The following NIPAL3 variants were observed in gnomAD, a reference collection of about 807,000 sequenced individuals.
NIPAL3 encodes the protein NIPA like domain containing 3.
In NIPAL3, 41 loss-of-function variants were observed where a neutral mutation model predicts 47.2. The ratio of observed to expected loss-of-function variants is 0.87; its 90% confidence interval spans 0.68 to 1.13. NIPAL3 has a LOEUF of 1.13. Ranked by LOEUF, NIPAL3 falls within the 50% of genes most tolerant of loss-of-function variation. The probability of loss-of-function intolerance (pLI) is 0.00; values close to 1 mark genes in which losing one functional copy is unlikely to be tolerated. For missense variants in NIPAL3, 449 were observed against 530.1 expected, an observed-to-expected ratio of 0.85 and a Z score of 1.50; for synonymous variants, 194 against 209.6, an observed-to-expected ratio of 0.93 and a Z score of 0.64.
intron 6 of NIPAL3, among the ~76,000 whole-genome samples, chr1:24,452,700 C>A (rs144088690): frequency 1.0e-3 from 156 of 152,056 alleles, no homozygotes; most frequent in African/African-American, 3.7e-3. Context: ...GGAGTATATA[C>A]TCATATTCTT....
chr1:24,428,302 G>GAGAGAGAGAC (rs1242337378), intron 2 of NIPAL3, among the ~76,000 whole-genome samples: 1 of 141,504 alleles, frequency 7.1e-6, no homozygotes, highest in East Asian at 2.2e-4. Context: ...GAGAGAGAGA[G>GAGAGAGAGAC]ACACCAGAAC....
rs185544511 is a variant in NIPAL3, at chr1:24,419,535, C to A, written c.-13C>A. The A allele has an allele frequency of 1.2e-6, 2 of 1,608,770 alleles. No homozygotes were observed. Among genetic ancestry groups the A allele is most frequent in the Admixed American group, 1.7e-5 (1 of 59,440 alleles). On this transcript the variant is annotated 5_prime_UTR_variant, in exon 2 of 12. Coordinates refer to ENST00000374399, the MANE Select transcript of NIPAL3 (RefSeq NM_020448.5). ...CCTAGGCCAGGCCCTGTGGGATGCG[C>A]CACTAGACCACCATGGACGGATCCC...
At chr1:24,463,930 C>T in intron 10 of NIPAL3, 96 bp from the exon 11 acceptor site, 1 of 1,061,152 alleles carries the variant, frequency 9.4e-7, no homozygotes. Context: ...AGCCTGCAAG[C>T]CTTTTTACCT....
intron 2 of NIPAL3, among the ~76,000 whole-genome samples, chr1:24,427,802 C>T (rs976568389): frequency 2.0e-5 from 3 of 152,138 alleles, no homozygotes; most frequent in Middle Eastern, 3.2e-3. Context: ...TAGTAACTAT[C>T]GGGGATCAGA....
intron 5 of NIPAL3, among the ~76,000 whole-genome samples, chr1:24,447,474 GT>G (rs1243646888): frequency 6.6e-6 from 1 of 151,996 alleles, no homozygotes; most frequent in Non-Finnish European, 1.5e-5. Context: ...ATACAGCCAA[GT>G]TTGGGGACCA....
rs1240078430 is a variant in NIPAL3, at chr1:24,453,440, C to A, written c.573C>A (p.Leu191=). 2 of 1,613,626 alleles carry A rather than the reference C, an allele frequency of 1.2e-6. No homozygotes were observed. The highest frequency in any genetic ancestry group is 2.2e-5 in the East Asian group (1 of 44,850). The change falls in exon 7 of 12, where the codon CTC becomes CTA. Residue 191 remains leucine, a synonymous_variant. Coordinates refer to ENST00000374399, the MANE Select transcript of NIPAL3 (RefSeq NM_020448.5). ...LVEIILFCLL[L]YFYKEKNANN... ...AGATCATTCTGTTCTGCTTGCTGCT[C>A]TACTTCTACAAGGAGAAGAACGCCA...
intron 2 of NIPAL3, among the ~76,000 whole-genome samples, chr1:24,433,823 T>C (rs1644983265): frequency 6.6e-6 from 1 of 151,852 alleles, no homozygotes; most frequent in Non-Finnish European, 1.5e-5. Context: ...GGGAGAGAGA[T>C]GGGAACTATA....
intron 11 of NIPAL3, chr1:24,464,790 TAACTC>T (rs1340967885): frequency 3.9e-5 from 6 of 152,210 alleles, no homozygotes; most frequent in African/African-American, 1.2e-4. Flanking sequence ...CTTTCACACT[TAACTC>T]AACATTTTAA....
In NIPAL3 at chr1:24,419,378, A is replaced by G; in HGVS notation, c.-170A>G. Reference sequence around the variant, plus strand: ...CACTTCTCTGAGTGAAGCTGAGGAGAAGGCTGTAAATCTGCCAAAACAGCC... The same window carrying G: ...CACTTCTCTGAGTGAAGCTGAGGAGGAGGCTGTAAATCTGCCAAAACAGCC... On this transcript the variant is annotated 5_prime_UTR_variant, in exon 2 of 12. Coordinates refer to ENST00000374399, the MANE Select transcript of NIPAL3 (RefSeq NM_020448.5). The G allele has an allele frequency of 1.5e-6, 2 of 1,322,148 alleles. No homozygotes were observed. The highest frequency in any genetic ancestry group is 1.9e-6 in the Non-Finnish European group (2 of 1,038,292). The allele number at this position is 1,322,148 out of a possible 1,614,324, so 81.9% of individuals were successfully genotyped here.
chr1:24,437,622 G>C (rs1645183907), intron 2 of NIPAL3, among the ~76,000 whole-genome samples: 1 of 150,704 alleles, frequency 6.6e-6, no homozygotes, highest in Non-Finnish European at 1.5e-5. Flanking sequence ...TGGCCCCAGG[G>C]TCCTGAGGAG....
intron 7 of NIPAL3, chr1:24,453,965 G>A (rs1646066609): frequency 2.3e-6 from 1 of 440,790 alleles, no homozygotes; most frequent in Non-Finnish European, 4.5e-6. Context: ...CCTTTTAGAG[G>A]GATGGGTGCT....
intron 2 of NIPAL3, among the ~76,000 whole-genome samples, chr1:24,423,715 T>C (rs1283886512): frequency 2.6e-5 from 4 of 152,110 alleles, no homozygotes; most frequent in African/African-American, 9.7e-5. Flanking sequence ...AGAGGGCATG[T>C]GGGGAAAGCT....
intron 2 of NIPAL3, among the ~76,000 whole-genome samples, chr1:24,422,681 C>G (rs1261040790): frequency 6.6e-6 from 1 of 152,178 alleles, no homozygotes; most frequent in Non-Finnish European, 1.5e-5. Flanking sequence ...CCTTCCCACA[C>G]CAACTCCATC....
At chr1:24,418,496 G>A (rs966843382) in intron 1 of NIPAL3, among the ~76,000 whole-genome samples, 2 of 152,074 alleles carry the variant, frequency 1.3e-5, no homozygotes, top group East Asian at 1.9e-4. Context: ...TGTGGCACGC[G>A]TCTGAGGTCC....
chr1:24,460,630 C>A, intron 10 of NIPAL3, 86 bp downstream of exon 10: 2 of 1,106,904 alleles, frequency 1.8e-6, no homozygotes, highest in Non-Finnish European at 2.5e-6. Context: ...ATTGCTACAG[C>A]CGCCCCATCC....
chr1:24,452,853 A>ATTTTTTTTTTTTT (rs3054551), intron 6 of NIPAL3, among the ~76,000 whole-genome samples: 18 of 124,214 alleles, frequency 1.4e-4, no homozygotes, highest in African/African-American at 2.5e-4. Context: ...CGCCCAGCTA[A>ATTTTTTTTTTTTT]TTTTTTTTTT....
intron 4 of NIPAL3, among the ~76,000 whole-genome samples, chr1:24,442,837 G>A (rs1645459668): frequency 6.6e-6 from 1 of 152,192 alleles, no homozygotes; most frequent in South Asian, 2.1e-4. Context: ...GGGCATGGTG[G>A]TATGCATCTG....
chr1:24,467,635 A>G (rs1003842308), intron 11 of NIPAL3, among the ~76,000 whole-genome samples: 1 of 152,210 alleles, frequency 6.6e-6, no homozygotes, highest in African/African-American at 2.4e-5. Context: ...ATCAAATGAG[A>G]TAGAACTTTA....
rs964191386 is a variant in NIPAL3 at position 24,449,301 on chromosome 1, G to GT, written c.395-173dup. 2.6e-5 allele frequency among the ~76,000 whole-genome samples: 4 copies of GT among 151,960 alleles called. No individual in the cohort carries two copies. The highest frequency in any genetic ancestry group is 9.7e-5 in the African/African-American group (4 of 41,436). On this transcript the variant is annotated intron_variant, in intron 5 of 11. Coordinates refer to ENST00000374399, the MANE Select transcript of NIPAL3 (RefSeq NM_020448.5). The surrounding 1 kb of genome is among the most constrained non-coding windows in gnomAD (Gnocchi z 4.5). ...AGTTTTTTATTTTTTTACATTAATT[G>GT]TTTTTTTAACAAAATTAAGGAAAAT...
Sources: gnomAD v4.1 joint callset for allele counts (sites outside exome capture counted in the v4.1 genomes callset) on GRCh38, gnomAD v4.1.1 for gene constraint, Gnocchi (gnomAD v3.1) non-coding constraint, MANE v1.5 for transcripts, NCBI Gene and HGNC (gene_info 2026-07-23, HGNC 2026-07-21) for gene names.